Variants in CARNMT1 observed in about 807,000 individuals in gnomAD.
The protein encoded by CARNMT1 is carnosine N-methyltransferase 1, also known as protein-L-histidine N-pros-methyltransferase CARNMT1.
In CARNMT1, 28 loss-of-function variants were observed where a neutral mutation model predicts 49.6. That is an observed-to-expected ratio of 0.56 (90% confidence interval 0.42 to 0.77). CARNMT1 has a LOEUF of 0.77. Ranked by LOEUF, CARNMT1 falls within the 30% of genes least tolerant of loss-of-function variation. The pLI is 0.00. For synonymous variants in CARNMT1, 178 were observed against 175.0 expected (o/e 1.02, Z -0.13); for missense variants, 421 against 512.6 (o/e 0.82, Z 1.73).
intron 7 of CARNMT1, among the ~76,000 whole-genome samples, chr9:74,984,637 T>C (rs1211401565): frequency 6.6e-6 from 1 of 152,182 alleles, no homozygotes; most frequent in African/African-American, 2.4e-5. Context: ...ATAAGGCATA[T>C]ATAAAACATA....
At chr9:75,021,486 A>C (rs985705122) in intron 1 of CARNMT1, among the ~76,000 whole-genome samples, 75 of 147,718 alleles carry the variant, frequency 5.1e-4, no homozygotes, top group African/African-American at 1.8e-3. Flanking sequence ...ATATATATAT[A>C]TCTACTGTTC....
chr9:75,016,066 C>G, intron 3 of CARNMT1: 2 of 426,028 alleles, frequency 4.7e-6, no homozygotes, highest in Non-Finnish European at 8.3e-6. Context: ...GTAATTTCCC[C>G]TAAGCACCAG....
At chr9:75,018,324 A>G (rs563855189) in intron 1 of CARNMT1, among the ~76,000 whole-genome samples, 5 of 152,276 alleles carry the variant, frequency 3.3e-5, no homozygotes, top group African/African-American at 9.6e-5. Context: ...CTGGTCGCCC[A>G]AAGTACTGGG....
At chr9:74,997,358 T>A (rs1458254342) in intron 5 of CARNMT1, among the ~76,000 whole-genome samples, 1 of 152,200 alleles carries the variant, frequency 6.6e-6, no homozygotes, top group Non-Finnish European at 1.5e-5. Context: ...ACTTTCTATG[T>A]TGTAAAATAA....
intron 6 of CARNMT1, among the ~76,000 whole-genome samples, chr9:74,990,823 G>A (rs75568938): frequency 0.017 from 2,616 of 152,252 alleles, 77 homozygotes; most frequent in African/African-American, 0.06. Flanking sequence ...CAAACCACTT[G>A]CCAAATCTGT....
chr9:75,025,865 T>A (rs1822513298), intron 1 of CARNMT1, among the ~76,000 whole-genome samples: 1 of 152,214 alleles, frequency 6.6e-6, no homozygotes, highest in South Asian at 2.1e-4. Context: ...ATGTAGCTAT[T>A]GAGCACCTGA....
At chr9:75,012,891 C>A (rs148802887) in intron 3 of CARNMT1, among the ~76,000 whole-genome samples, 7,825 of 150,230 alleles carry the variant, frequency 0.052, 394 homozygotes, top group East Asian at 0.26. Context: ...GCACTCCAGC[C>A]TGGGCGACTG....
rs1032391757 is a variant in CARNMT1 at position 75,005,825 on chromosome 9, AAAACAC to A, written c.591-5961_591-5956del. Among the ~76,000 whole-genome samples the A allele has an allele frequency of 3.1e-4, 25 of 80,272 alleles. 1 individual carries two copies. The South Asian group carries it at 9.6e-3, about 31-fold the overall frequency. The allele number at this position is 80,272 out of a possible 152,430, so 52.7% of individuals were successfully genotyped here. On this transcript the variant is annotated intron_variant, in intron 3 of 7. Transcript: ENST00000376834. ...ATTAGAAAAGGCCTTCAGTGAAATT[AAAACAC>A]ACACACACACACACACACACACACA...
Position 75,021,188 on chromosome 9 carries a change from A to G in CARNMT1, c.231-3740T>C, listed in dbSNP as rs1822340126. Among the ~76,000 whole-genome samples, 3 of 149,636 alleles carry G rather than the reference A, an allele frequency of 2.0e-5. No homozygotes were observed. In the South Asian group the frequency reaches 6.3e-4, roughly 31 times the overall value. ...ACAGCTGAAAACACAGCAAGCGCTC[A>G]AAATATATATACTATATATATACCT... On this transcript the variant is annotated intron_variant, in intron 1 of 7. Transcript: ENST00000376834.
At chr9:75,026,046 CT>C (rs747829526) in intron 1 of CARNMT1, among the ~76,000 whole-genome samples, 2 of 152,164 alleles carry the variant, frequency 1.3e-5, no homozygotes, top group African/African-American at 4.8e-5. Context: ...TTCTGTACCC[CT>C]AGGCTTTAAG....
intron 1 of CARNMT1, chr9:75,027,062 A>AGGT: frequency 7.7e-7 from 1 of 1,303,952 alleles, no homozygotes; most frequent in Non-Finnish European, 1.0e-6. Flanking sequence ...CCTGCGTAGG[A>AGGT]GGTCATGTCT....
intron 1 of CARNMT1, among the ~76,000 whole-genome samples, chr9:75,027,722 G>A (rs1243857163): frequency 2.0e-5 from 3 of 152,230 alleles, no homozygotes; most frequent in Non-Finnish European, 4.4e-5. Context: ...ACCCCCATCG[G>A]CCTCAAAGCC....
intron 3 of CARNMT1, among the ~76,000 whole-genome samples, chr9:75,011,803 A>C (rs1833697897): frequency 6.6e-6 from 1 of 152,190 alleles, no homozygotes; most frequent in African/African-American, 2.4e-5. Context: ...CAGGCTTCCA[A>C]CTGACAAACA....
chr9:74,998,787 T>C lies in CARNMT1; in HGVS notation c.732-11A>G. 11 of 1,485,750 alleles carry C rather than the reference T, an allele frequency of 7.4e-6. No individual in the cohort carries two copies. Among genetic ancestry groups the C allele is most frequent in the Non-Finnish European group, 1.0e-5 (11 of 1,104,870 alleles). The allele number at this position is 1,485,750 out of a possible 1,614,324, so 92.0% of individuals were successfully genotyped here. The stretch of plus-strand genomic sequence containing the variant: ...TTAATTTCAGAACATCTGCAAAATA[T>C]GAGTATAAAATCAGGTGTTAACTAA... On this transcript the variant is annotated splice_polypyrimidine_tract_variant and intron_variant, in intron 4 of 7. Transcript: ENST00000376834.
At chr9:74,987,449 TA>T (rs1832878555) in intron 6 of CARNMT1, among the ~76,000 whole-genome samples, 1 of 151,752 alleles carries the variant, frequency 6.6e-6, no homozygotes, top group Admixed American at 6.6e-5. Context: ...TAGTCAACAA[TA>T]AAAAAAGACC....
chr9:75,015,826 A>T (rs1833833026), intron 3 of CARNMT1: 5 of 151,666 alleles, frequency 3.3e-5, no homozygotes, highest in African/African-American at 1.2e-4. Context: ...AAAATAAAAA[A>T]AAAATTATTC....
At chr9:74,985,248 G>T (rs962660243) in intron 6 of CARNMT1, among the ~76,000 whole-genome samples, 1 of 152,156 alleles carries the variant, frequency 6.6e-6, no homozygotes, top group African/African-American at 2.4e-5. Context: ...TCACACCATG[G>T]GCCTTCACCT....
rs1833848413 is a variant in CARNMT1 at position 75,016,306 on chromosome 9, G to A, written c.552C>T (p.Ile184=). The change falls in exon 3 of 8, where the codon ATC becomes ATT. Residue 184 remains isoleucine (I), a synonymous_variant. Coordinates refer to ENST00000376834, the MANE Select transcript of CARNMT1 (RefSeq NM_152420.3). ...GAAAATTTTTTAAAATTTCTTTAAT[G>A]ATTGGCTGGTAACAGGCATCCCTTT... ...KAERDACYQP[I]IKEILKNFPK... is the part of the protein sequence containing the mutation. 6.2e-7 allele frequency: 1 copy of A among 1,613,372 alleles called. No homozygotes were observed. Among genetic ancestry groups the A allele is most frequent in the Admixed American group, 1.7e-5 (1 of 59,888 alleles).
chr9:74,993,161 C>T (rs1833080704), intron 6 of CARNMT1, among the ~76,000 whole-genome samples: 2 of 152,120 alleles, frequency 1.3e-5, no homozygotes, highest in Admixed American at 1.3e-4. Context: ...TAGAGACTAG[C>T]AGTGGAAACA....
Sources: gnomAD v4.1 joint callset for allele counts (sites outside exome capture counted in the v4.1 genomes callset) on GRCh38, gnomAD v4.1.1 for gene constraint, MANE v1.5 for transcripts, NCBI Gene and HGNC (gene_info 2026-07-23, HGNC 2026-07-21) for gene names.